Variants in ELAVL4 observed in about 807,000 individuals in gnomAD.
The protein encoded by ELAVL4 is ELAV-like protein 4.
In ELAVL4, 1 loss-of-function variant was observed where a neutral mutation model predicts 35.6. The observed-to-expected ratio is 0.03, with a 90% CI of 0.01 to 0.13. The LOEUF (loss-of-function observed/expected upper bound fraction) is 0.13, where lower values mean the gene tolerates loss of function less well. Ranked by LOEUF, ELAVL4 falls within the 10% of genes least tolerant of loss-of-function variation. ELAVL4 has a pLI of 1.00. For synonymous variants in ELAVL4, 156 were observed against 171.0 expected, an observed-to-expected ratio of 0.91 and a Z score of 0.69; for missense variants, 267 against 464.9, an observed-to-expected ratio of 0.57 and a Z score of 3.91.
chr1:50,165,521 G>GTATATACATATACCTATATGTATA, intron 2 of ELAVL4, among the ~76,000 whole-genome samples: 1 of 148,268 alleles, frequency 6.7e-6, no homozygotes, highest in Non-Finnish European at 1.5e-5. Context: ...GCATATATAC[G>GTATATACATATACCTATATGTATA]TATATACATA....
chr1:50,142,999 A>G (rs1479559734), intron 1 of ELAVL4, among the ~76,000 whole-genome samples: 1 of 152,202 alleles, frequency 6.6e-6, no homozygotes, highest in East Asian at 1.9e-4. Flanking sequence ...GGCACAAAAG[A>G]GTATGTGTTG....
chr1:50,104,940 C>T (rs183691950), upstream of ELAVL4, among the ~76,000 whole-genome samples: 37 of 152,172 alleles, frequency 2.4e-4, no homozygotes, highest in Non-Finnish European at 4.1e-4. Flanking sequence ...AAATAGTATA[C>T]GACAGAAATG....
chr1:50,099,486 G>A (rs1188874722), upstream of ELAVL4, among the ~76,000 whole-genome samples: 2 of 149,430 alleles, frequency 1.3e-5, no homozygotes, highest in Non-Finnish European at 1.5e-5. Context: ...CTTGAACCAG[G>A]AAGGCAGAGG....
chr1:50,194,572 A>G (rs1349748827), intron 4 of ELAVL4, among the ~76,000 whole-genome samples: 1 of 152,228 alleles, frequency 6.6e-6, no homozygotes, highest in African/African-American at 2.4e-5. Context: ...TAGCACGTTT[A>G]TCATGTGATT....
chr1:50,091,423 G>A (rs1243644368), intron 1 of ELAVL4, among the ~76,000 whole-genome samples: 1 of 152,152 alleles, frequency 6.6e-6, no homozygotes, highest in Non-Finnish European at 1.5e-5. Context: ...AGGCAGATGT[G>A]GTAGGGATTT....
chr1:50,157,990 T>C (rs927745513), intron 2 of ELAVL4, among the ~76,000 whole-genome samples: 2 of 152,210 alleles, frequency 1.3e-5, no homozygotes, highest in Non-Finnish European at 2.9e-5. Flanking sequence ...CTAGACAGGA[T>C]AGTCTAGTGA....
chr1:50,154,752 TTGTG>T lies in ELAVL4; in HGVS notation c.250+9585_250+9588del, dbSNP rs35896145. Among the ~76,000 whole-genome samples the T allele has an allele frequency of 4.5e-3, 656 of 147,208 alleles. 4 individuals are homozygous for T. The highest frequency in any genetic ancestry group is 0.012 in the African/African-American group (471 of 39,962). ...CCTGGTTTGTTGTTGTTGTTATATT[TTGTG>T]TGTGTGTGTGTGTGTGTGTGTGTGT... On this transcript the variant is annotated intron_variant, in intron 2 of 6. Coordinates refer to ENST00000371824, the MANE Select transcript of ELAVL4 (RefSeq NM_001144774.3).
At chr1:50,117,523 A>G (rs1013054700) in intron 1 of ELAVL4, among the ~76,000 whole-genome samples, 1 of 152,180 alleles carries the variant, frequency 6.6e-6, no homozygotes, top group Non-Finnish European at 1.5e-5. Context: ...TCTTCCAGTT[A>G]CTAACTGGGC....
upstream of ELAVL4, among the ~76,000 whole-genome samples, chr1:50,105,079 A>AT (rs890731265): frequency 6.6e-6 from 1 of 151,786 alleles, no homozygotes; most frequent in Non-Finnish European, 1.5e-5. Flanking sequence ...AATATTTTGT[A>AT]TTTTTTTTCG....
chr1:50,069,037 T>G (rs1664393749), intron 1 of ELAVL4, among the ~76,000 whole-genome samples: 1 of 152,372 alleles, frequency 6.6e-6, no homozygotes, highest in East Asian at 1.9e-4. Context: ...TAGTAATCAC[T>G]GAGGCCTTGT....
intron 1 of ELAVL4, among the ~76,000 whole-genome samples, chr1:50,079,834 T>C (rs1664930560): frequency 6.6e-6 from 1 of 152,234 alleles, no homozygotes; most frequent in South Asian, 2.1e-4. Context: ...TCAACTGAGT[T>C]GATTCTGTGT....
At chr1:50,142,451 C>T (rs765658410) in intron 1 of ELAVL4, among the ~76,000 whole-genome samples, 3 of 152,158 alleles carry the variant, frequency 2.0e-5, no homozygotes, top group Admixed American at 6.5e-5. Context: ...GATCTGCCCA[C>T]CTCGGCCTCC....
chr1:50,119,643 G>A (rs1403641384), intron 1 of ELAVL4, among the ~76,000 whole-genome samples: 1 of 151,936 alleles, frequency 6.6e-6, no homozygotes, highest in Admixed American at 6.6e-5. Flanking sequence ...GAATTTTGGA[G>A]GCATGGGCTT....
intron 1 of ELAVL4, among the ~76,000 whole-genome samples, chr1:50,132,786 A>T (rs1376199752): frequency 6.6e-6 from 1 of 152,164 alleles, no homozygotes; most frequent in Non-Finnish European, 1.5e-5. Context: ...TTTCTTTTTT[A>T]AAAAACAACT....
chr1:50,190,168 T>C (rs1043071054), intron 3 of ELAVL4, among the ~76,000 whole-genome samples: 1 of 152,180 alleles, frequency 6.6e-6, no homozygotes, highest in African/African-American at 2.4e-5. Flanking sequence ...AGATTCTGGA[T>C]GAATGAAGCA....
At chr1:50,061,778 A>G (rs564748345) in intron 1 of ELAVL4, among the ~76,000 whole-genome samples, 1 of 152,226 alleles carries the variant, frequency 6.6e-6, no homozygotes, top group East Asian at 1.9e-4. Context: ...CTAATGGGTA[A>G]TCTTTATTTC....
At chr1:50,156,082 C>T (rs1371231233) in intron 2 of ELAVL4, among the ~76,000 whole-genome samples, 1 of 151,982 alleles carries the variant, frequency 6.6e-6, no homozygotes, top group Admixed American at 6.6e-5. Context: ...CAGGCATGTG[C>T]GCACGCAGGC....
upstream of ELAVL4, among the ~76,000 whole-genome samples, chr1:50,099,428 C>T (rs562741165): frequency 4.0e-5 from 6 of 151,850 alleles, no homozygotes; most frequent in Admixed American, 6.6e-5. Context: ...GGCATGGTGG[C>T]GCATGCCTGT....
At chr1:50,189,517 G>A (rs1682344706) in intron 3 of ELAVL4, among the ~76,000 whole-genome samples, 1 of 152,226 alleles carries the variant, frequency 6.6e-6, no homozygotes, top group South Asian at 2.1e-4. Context: ...ATTCATGTCA[G>A]TAAAGTGGTA....
Sources: allele counts gnomAD v4.1 joint callset (sites outside exome capture counted in the v4.1 genomes callset), GRCh38; gene constraint gnomAD v4.1.1; transcripts MANE v1.5; gene names NCBI Gene and HGNC (gene_info 2026-07-23, HGNC 2026-07-21).